Variants in CTNNBL1 observed in about 807,000 individuals in gnomAD.
CTNNBL1 encodes the protein catenin beta like 1.
A neutral mutation model predicts 72.7 loss-of-function variants in CTNNBL1; 31 were observed. The observed-to-expected ratio is 0.43, with a 90% CI of 0.32 to 0.58. CTNNBL1 has a LOEUF of 0.58. Among genes scored for constraint, CTNNBL1 ranks in the 20% least tolerant of loss-of-function variants. The pLI, the probability that CTNNBL1 is intolerant of heterozygous loss-of-function variation, is 0.08. For missense variants in CTNNBL1, 534 were observed against 725.1 expected (o/e 0.74, Z 3.03); for synonymous variants, 240 against 267.3 (o/e 0.90, Z 1.00).
intron 4 of CTNNBL1, among the ~76,000 whole-genome samples, chr20:37,748,370 C>T (rs1048861463): frequency 1.3e-5 from 2 of 152,070 alleles, no homozygotes; most frequent in Non-Finnish European, 2.9e-5. Context: ...CTTTGTTCAC[C>T]AGGGTTTGCT....
chr20:37,782,987 A>G (rs912204388), intron 10 of CTNNBL1, among the ~76,000 whole-genome samples: 6 of 152,200 alleles, frequency 3.9e-5, no homozygotes, highest in Non-Finnish European at 8.8e-5. Context: ...CAGTAGCTAC[A>G]CAGTGTCTAC....
In CTNNBL1 at chr20:37,739,985, AT is replaced by A. The variant is rs368417225; in HGVS notation, c.326+2502del. Among the ~76,000 whole-genome samples, 1,160 of 152,266 alleles carry A rather than the reference AT, an allele frequency of 7.6e-3. 12 individuals carry two copies. Among genetic ancestry groups the A allele is most frequent in the African/African-American group, 0.026 (1,086 of 41,532 alleles). ...AGTATTTCCTTCGCCCGCTTGGTAG[AT>A]ACACGTCTCTCAATTTGGAGCAGAG... On this transcript the variant is annotated intron_variant, in intron 3 of 15. Coordinates refer to ENST00000361383, the MANE Select transcript of CTNNBL1 (RefSeq NM_030877.5).
intron 13 of CTNNBL1, among the ~76,000 whole-genome samples, chr20:37,844,806 G>T (rs574448235): frequency 6.6e-6 from 1 of 152,240 alleles, no homozygotes; most frequent in African/African-American, 2.4e-5. Context: ...AAATTAGCTG[G>T]GCATGATGGC....
rs555792799 is a variant in CTNNBL1 at position 37,777,424 on chromosome 20, C to T, written c.823+7C>T. On this transcript the variant is annotated splice_region_variant and intron_variant, in intron 8 of 15. Coordinates refer to ENST00000361383, the MANE Select transcript of CTNNBL1 (RefSeq NM_030877.5). ...TTGCTCCAGGACAATGATGGTGAGG[C>T]GCCCTCTCAGTATTGATATTCTGTT... 33 of 1,612,530 alleles carry T rather than the reference C, an allele frequency of 2.0e-5. No homozygotes were observed. The highest frequency in any genetic ancestry group is 1.7e-4 in the Middle Eastern group (1 of 6,056).
In CTNNBL1 at chr20:37,844,511, G is replaced by T. The variant is rs181543189; in HGVS notation, c.1392+2092G>T. 2.5e-3 allele frequency among the ~76,000 whole-genome samples: 382 copies of T among 152,164 alleles called. 2 individuals are homozygous for T. The highest frequency in any genetic ancestry group is 4.6e-3 in the Non-Finnish European group (310 of 67,990). ...CTGGTCTTCTAGATAGAGGTGCAAC[G>T]GTCTAGTAGAAAAGGTAATCTTGCC... is the stretch of plus-strand genomic sequence containing the variant. On this transcript the variant is annotated intron_variant, in intron 13 of 15. Coordinates refer to ENST00000361383, the MANE Select transcript of CTNNBL1 (RefSeq NM_030877.5).
At chr20:37,759,794 G>T (rs959394577) in intron 5 of CTNNBL1, among the ~76,000 whole-genome samples, 3 of 151,656 alleles carry the variant, frequency 2.0e-5, no homozygotes, top group Admixed American at 6.5e-5. Flanking sequence ...ACCAGCGGTG[G>T]TCTTCCATTT....
At position 37,779,445 on chromosome 20, in the gene CTNNBL1, CTT is replaced by C. The variant is rs2073606713; in HGVS notation, c.1031+112_1031+113del. On this transcript the variant is annotated intron_variant, in intron 10 of 15. Transcript: ENST00000361383. Reference sequence around the variant, plus strand: ...CATTTATTCTGTTGGGTTTCCTAGACTTTACCCTGAAGAGTAAAGTCTTCAGG... The same window carrying C: ...CATTTATTCTGTTGGGTTTCCTAGACTACCCTGAAGAGTAAAGTCTTCAGG... The C allele has an allele frequency of 3.9e-6, 5 of 1,291,876 alleles. No homozygotes were observed. The East Asian group carries it at 9.3e-5, about 24-fold the overall frequency. The allele number at this position is 1,291,876 out of a possible 1,614,324, so 80.0% of individuals were successfully genotyped here. A position where few individuals can be genotyped will look rare whatever the true frequency, so the allele number is the denominator to read the frequency against.
intron 11 of CTNNBL1, among the ~76,000 whole-genome samples, chr20:37,806,532 T>A (rs906398768): frequency 1.3e-5 from 2 of 151,884 alleles, no homozygotes; most frequent in Non-Finnish European, 2.9e-5. Flanking sequence ...GACAAAAGAG[T>A]CATACACATT....
At chr20:37,749,392 A>C (rs1259498987) in intron 4 of CTNNBL1, among the ~76,000 whole-genome samples, 1 of 152,194 alleles carries the variant, frequency 6.6e-6, no homozygotes, top group Non-Finnish European at 1.5e-5. Context: ...GACACAAAAA[A>C]CGCTGCTCGA....
intron 1 of CTNNBL1, among the ~76,000 whole-genome samples, chr20:37,724,774 A>C (rs144582477): frequency 1.3e-5 from 2 of 152,308 alleles, no homozygotes; most frequent in African/African-American, 4.8e-5. Flanking sequence ...TTATTTGTCA[A>C]TGTGGACATT....
chr20:37,704,349 G>A (rs1204881173), intron 1 of CTNNBL1, among the ~76,000 whole-genome samples: 4 of 152,126 alleles, frequency 2.6e-5, no homozygotes, highest in East Asian at 1.9e-4. Context: ...TGGAGGGAGC[G>A]CTGCACCTTC....
At chr20:37,846,629 G>A (rs1028806798) in intron 13 of CTNNBL1, among the ~76,000 whole-genome samples, 4 of 152,010 alleles carry the variant, frequency 2.6e-5, no homozygotes, top group African/African-American at 4.8e-5. Flanking sequence ...CCCCTGCCCC[G>A]CCCCCGCACA....
chr20:37,769,523 T>TGAA (rs2073504081), intron 7 of CTNNBL1, among the ~76,000 whole-genome samples: 2 of 152,240 alleles, frequency 1.3e-5, no homozygotes, highest in Non-Finnish European at 2.9e-5. Context: ...CATATTTATA[T>TGAA]TCTTTGTCCA....
intron 11 of CTNNBL1, among the ~76,000 whole-genome samples, chr20:37,824,786 G>C (rs1411562268): frequency 6.6e-6 from 1 of 152,138 alleles, no homozygotes; most frequent in Non-Finnish European, 1.5e-5. Flanking sequence ...AAAGTGCCTG[G>C]CTTCTATTTT....
At chr20:37,852,137 A>G (rs2072402055) in intron 13 of CTNNBL1, among the ~76,000 whole-genome samples, 1 of 152,222 alleles carries the variant, frequency 6.6e-6, no homozygotes, top group Non-Finnish European at 1.5e-5. Context: ...GTGAGAGTTG[A>G]GTGAATTGAT....
chr20:37,843,998 C>T (rs536590469), intron 13 of CTNNBL1, among the ~76,000 whole-genome samples: 5 of 152,298 alleles, frequency 3.3e-5, no homozygotes, highest in Admixed American at 1.3e-4. Context: ...CCCCTTTGTT[C>T]TTTAATTAAA....
chr20:37,696,544 A>C (rs1474186902), intron 1 of CTNNBL1, among the ~76,000 whole-genome samples: 2 of 149,284 alleles, frequency 1.3e-5, no homozygotes, highest in East Asian at 4.0e-4. Context: ...CTTGGGTTCA[A>C]GCGATTCTCC....
chr20:37,724,289 C>T (rs1282502041), intron 1 of CTNNBL1, among the ~76,000 whole-genome samples: 2 of 152,024 alleles, frequency 1.3e-5, no homozygotes, highest in African/African-American at 4.8e-5. Context: ...CCTGTCTGAC[C>T]TTCTTATTGA....
intron 1 of CTNNBL1, among the ~76,000 whole-genome samples, chr20:37,720,349 C>G (rs1317758375): frequency 6.6e-6 from 1 of 152,068 alleles, no homozygotes; most frequent in African/African-American, 2.4e-5. Flanking sequence ...TTTGTAGACA[C>G]AGGGTCTCAC....
Sources: gnomAD v4.1 joint callset for allele counts (sites outside exome capture counted in the v4.1 genomes callset) on GRCh38, gnomAD v4.1.1 for gene constraint, MANE v1.5 for transcripts, NCBI Gene and HGNC (gene_info 2026-07-23, HGNC 2026-07-21) for gene names.